Variants in FNIP2 observed in about 807,000 individuals in gnomAD.
The protein encoded by FNIP2 is folliculin interacting protein 2.
A neutral mutation model predicts 108.7 loss-of-function variants in FNIP2; 32 were observed. The observed-to-expected ratio is 0.29, with a 90% confidence interval of 0.22 to 0.40. The LOEUF is 0.40. Ranked by LOEUF, FNIP2 falls within the 10% of genes least tolerant of loss-of-function variation. FNIP2 has a pLI of 1.00. For synonymous variants in FNIP2, 480 were observed against 496.7 expected (o/e 0.97, Z 0.45); for missense variants, 1,202 against 1,381.6 (o/e 0.87, Z 2.06).
At chr4:158,778,146 C>T (rs921387928) in intron 1 of FNIP2, among the ~76,000 whole-genome samples, 1 of 152,204 alleles carries the variant, frequency 6.6e-6, no homozygotes, top group Non-Finnish European at 1.5e-5. Context: ...AATGTCCAGA[C>T]TGCTTCTCAG....
intron 7 of FNIP2, chr4:158,835,886 A>G (rs1161087030): frequency 6.5e-6 from 1 of 154,248 alleles, no homozygotes; most frequent in Non-Finnish European, 1.4e-5. Flanking sequence ...TTCTAGAGAC[A>G]TGCTGATCTA....
At chr4:158,804,558 G>A (rs137935101) in intron 1 of FNIP2, among the ~76,000 whole-genome samples, 328 of 152,040 alleles carry the variant, frequency 2.2e-3, no homozygotes, top group Middle Eastern at 0.01. Flanking sequence ...GACTACAGGC[G>A]CATGCCACTA....
chr4:158,829,896 A>G (rs1313319470), intron 3 of FNIP2, among the ~76,000 whole-genome samples: 2 of 152,188 alleles, frequency 1.3e-5, no homozygotes, highest in African/African-American at 4.8e-5. Flanking sequence ...ATTTTGCTGG[A>G]AAAACAATAC....
At position 158,904,750 on chromosome 4, in the gene FNIP2, G is replaced by T; in HGVS notation, c.*206G>T. 1.8e-6 allele frequency: 1 copy of T among 551,220 alleles called. No individual in the cohort carries two copies. Among genetic ancestry groups the T allele is most frequent in the Non-Finnish European group, 3.2e-6 (1 of 308,198 alleles). The allele number at this position is 551,220 out of a possible 1,614,324, so 34.1% of individuals were successfully genotyped here. A position where few individuals can be genotyped will look rare whatever the true frequency, so the allele number is the denominator to read the frequency against. On this transcript the variant is annotated 3_prime_UTR_variant, in exon 17 of 17. Transcript: ENST00000264433. Reference sequence around the variant, plus strand: ...TGACATAATAGCATTTGTGATTGTCGTGAACACTTTAGGCCATTTGTTACC... The same window carrying T: ...TGACATAATAGCATTTGTGATTGTCTTGAACACTTTAGGCCATTTGTTACC...
chr4:158,902,011 C>T (rs1468378680), intron 16 of FNIP2, among the ~76,000 whole-genome samples: 1 of 152,054 alleles, frequency 6.6e-6, no homozygotes, highest in Non-Finnish European at 1.5e-5. Flanking sequence ...CTCAATTCTC[C>T]ATCCAGTTTT....
At chr4:158,822,421 G>A (rs1359758821) in intron 1 of FNIP2, among the ~76,000 whole-genome samples, 4 of 151,958 alleles carry the variant, frequency 2.6e-5, no homozygotes, top group Middle Eastern at 3.4e-3. Context: ...GCGATCAGCC[G>A]GCCTCGGTCT....
At chr4:158,841,113 G>A (rs1779107354) in intron 7 of FNIP2, among the ~76,000 whole-genome samples, 3 of 152,148 alleles carry the variant, frequency 2.0e-5, no homozygotes, top group Non-Finnish European at 2.9e-5. Context: ...ACACCAAGAG[G>A]ATATGAAAAG....
chr4:158,856,524 G>C (rs561795102), intron 8 of FNIP2, among the ~76,000 whole-genome samples: 8 of 152,128 alleles, frequency 5.3e-5, no homozygotes, highest in African/African-American at 1.9e-4. Flanking sequence ...TTGACTCTCA[G>C]GGCTGTCGGT....
intron 1 of FNIP2, among the ~76,000 whole-genome samples, chr4:158,780,343 AAT>A (rs1776001090): frequency 6.6e-6 from 1 of 152,240 alleles, no homozygotes; most frequent in Non-Finnish European, 1.5e-5. Flanking sequence ...ACTTCCCTGA[AAT>A]CTTTTAGAAA....
chr4:158,806,794 G>A (rs1196553104), intron 1 of FNIP2, among the ~76,000 whole-genome samples: 1 of 152,186 alleles, frequency 6.6e-6, no homozygotes, highest in African/African-American at 2.4e-5. Flanking sequence ...TAGTAGATGG[G>A]GCTCAGGCCT....
chr4:158,867,023 G>A (rs1379236613), intron 12 of FNIP2, among the ~76,000 whole-genome samples: 1 of 152,182 alleles, frequency 6.6e-6, no homozygotes, highest in Non-Finnish European at 1.5e-5. Context: ...TTAATAGTTA[G>A]GCACTGAAGT....
intron 1 of FNIP2, among the ~76,000 whole-genome samples, chr4:158,807,588 T>C (rs1354392989): frequency 6.6e-6 from 1 of 152,212 alleles, no homozygotes; most frequent in East Asian, 1.9e-4. Flanking sequence ...TCTCATCAAC[T>C]TTATCCCATA....
chr4:158,814,367 A>C (rs776202575), intron 1 of FNIP2, among the ~76,000 whole-genome samples: 5 of 152,246 alleles, frequency 3.3e-5, no homozygotes, highest in Admixed American at 6.5e-5. Flanking sequence ...TATATAATAC[A>C]GACTCTCACA....
intron 1 of FNIP2, among the ~76,000 whole-genome samples, chr4:158,786,410 A>C (rs1776225481): frequency 6.6e-6 from 1 of 152,240 alleles, no homozygotes; most frequent in Non-Finnish European, 1.5e-5. Flanking sequence ...ATTGCACAGG[A>C]GATTCAGATG....
chr4:158,830,424 G>A lies in FNIP2; in HGVS notation c.381+1199G>A, dbSNP rs187567620. Among the ~76,000 whole-genome samples, 1,183 of 151,580 alleles carry A rather than the reference G, an allele frequency of 7.8e-3. 10 individuals are homozygous for A. Among genetic ancestry groups the A allele is most frequent in the African/African-American group, 0.027 (1,095 of 41,298 alleles). Reference sequence around the variant, plus strand: ...ACTACAGGCGCCCGCCACCGCGCCCGGCTAATTTTTTGTATTTTTAGTAGA... The same window carrying A: ...ACTACAGGCGCCCGCCACCGCGCCCAGCTAATTTTTTGTATTTTTAGTAGA... On this transcript the variant is annotated intron_variant, in intron 3 of 16. Transcript: ENST00000264433.
intron 13 of FNIP2, among the ~76,000 whole-genome samples, chr4:158,869,750 A>G (rs569756959): frequency 6.6e-6 from 1 of 152,236 alleles, no homozygotes; most frequent in East Asian, 1.9e-4. Context: ...TTTTCTGTCA[A>G]CTGCAGAGAA....
intron 12 of FNIP2, among the ~76,000 whole-genome samples, chr4:158,866,001 A>C (rs965994577): frequency 2.0e-5 from 3 of 151,006 alleles, no homozygotes; most frequent in Non-Finnish European, 4.4e-5. Context: ...TCCCAGGGGG[A>C]GGTACTTTCC....
At position 158,889,470 on chromosome 4, in the gene FNIP2, A is replaced by G. The variant is rs188948223; in HGVS notation, c.2950-1976A>G. On this transcript the variant is annotated intron_variant, in intron 14 of 16. Transcript: ENST00000264433. ...GTACTATATAACTTATAGTCTATGCACTGTTGGGGATTGACACACTCTTCC... is the reference window on the plus strand; with the variant it reads ...GTACTATATAACTTATAGTCTATGCGCTGTTGGGGATTGACACACTCTTCC... Among the ~76,000 whole-genome samples the G allele has an allele frequency of 1.8e-3, 279 of 152,276 alleles. 1 individual carries two copies. The Middle Eastern group carries it at 0.031, about 17-fold the overall frequency.
intron 16 of FNIP2, among the ~76,000 whole-genome samples, chr4:158,904,147 T>G (rs1293928035): frequency 6.6e-6 from 1 of 152,174 alleles, no homozygotes; most frequent in Non-Finnish European, 1.5e-5. Context: ...TATGATACAA[T>G]GAAGTTATAT....
Sources: allele counts gnomAD v4.1 joint callset (sites outside exome capture counted in the v4.1 genomes callset), GRCh38; gene constraint gnomAD v4.1.1; transcripts MANE v1.5; gene names NCBI Gene and HGNC (gene_info 2026-07-23, HGNC 2026-07-21).